MYO16: variants seen among roughly 807,000 people sequenced by gnomAD.
MYO16 encodes the protein myosin XVI.
In MYO16, 94 loss-of-function variants were observed where a neutral mutation model predicts 205.3. That is an observed-to-expected ratio of 0.46 (90% CI 0.39 to 0.54). MYO16 has a LOEUF of 0.54. Among genes scored for constraint, MYO16 ranks in the 20% least tolerant of loss-of-function variants. The pLI is 0.00. For missense variants in MYO16, 2,315 were observed against 2,387.5 expected (o/e 0.97, Z 0.63); for synonymous variants, 988 against 954.0 (o/e 1.04, Z -0.66).
intron 1 of MYO16, among the ~76,000 whole-genome samples, chr13:108,610,798 A>C (rs1594142046): frequency 6.6e-6 from 1 of 152,182 alleles, no homozygotes; most frequent in East Asian, 1.9e-4. Context: ...AGCTGAGAGA[A>C]ACAAGTAGAT....
chr13:108,783,216 C>T (rs1196034362), intron 4 of MYO16, among the ~76,000 whole-genome samples: 2 of 152,160 alleles, frequency 1.3e-5, no homozygotes, highest in African/African-American at 2.4e-5. Flanking sequence ...TGGAAACCCA[C>T]ATTTTAGATC....
At chr13:108,869,579 AAG>A (rs1162040794) in intron 12 of MYO16, among the ~76,000 whole-genome samples, 1 of 150,638 alleles carries the variant, frequency 6.6e-6, no homozygotes, top group East Asian at 1.9e-4. Context: ...AAAAAAAAAA[AAG>A]TTAGCCGGGC....
At chr13:109,101,986 A>C (rs1888981726) in intron 28 of MYO16, 1 of 152,138 alleles carries the variant, frequency 6.6e-6, no homozygotes, top group Non-Finnish European at 1.5e-5. Flanking sequence ...ACACTCGCAC[A>C]CTCATCTGTC....
At chr13:109,034,297 A>C (rs531647524) in intron 23 of MYO16, among the ~76,000 whole-genome samples, 4 of 152,310 alleles carry the variant, frequency 2.6e-5, no homozygotes, top group African/African-American at 7.2e-5. Flanking sequence ...CTCATCTTGA[A>C]TTGTAATCTC....
chr13:108,964,371 A>T (rs1883707360), intron 19 of MYO16, among the ~76,000 whole-genome samples: 1 of 152,200 alleles, frequency 6.6e-6, no homozygotes, highest in Admixed American at 6.5e-5. Context: ...GAAAATATTT[A>T]AAATATATCT....
intron 32 of MYO16, among the ~76,000 whole-genome samples, chr13:109,163,097 G>A (rs991325535): frequency 2.7e-4 from 41 of 152,214 alleles, no homozygotes; most frequent in South Asian, 2.1e-4. Flanking sequence ...TCAAAATGCC[G>A]ATAGTTTTGC....
chr13:109,061,205 C>G (rs1053006274), intron 27 of MYO16, among the ~76,000 whole-genome samples: 1 of 152,262 alleles, frequency 6.6e-6, no homozygotes, highest in Middle Eastern at 3.4e-3. Flanking sequence ...ATCTTCTGTC[C>G]AGACCACTCA....
At chr13:108,814,426 T>G (rs940579419) in intron 7 of MYO16, among the ~76,000 whole-genome samples, 5 of 152,042 alleles carry the variant, frequency 3.3e-5, no homozygotes, top group African/African-American at 1.2e-4. Flanking sequence ...TTTTTTGTTC[T>G]TTCATTTTCT....
chr13:108,577,976 C>A, the MYO16 span, among the ~76,000 whole-genome samples: 1 of 151,982 alleles, frequency 6.6e-6, no homozygotes, highest in African/African-American at 2.4e-5. Context: ...ATCTTTTATC[C>A]CTTTACTACG....
chr13:108,575,561 G>C, the MYO16 span, among the ~76,000 whole-genome samples: 1 of 152,094 alleles, frequency 6.6e-6, no homozygotes, highest in African/African-American at 2.4e-5. Flanking sequence ...GGGGGAGAGA[G>C]GCACAGACCC....
At chr13:108,666,173 C>T (rs1163327719) in intron 2 of MYO16, 24 bp downstream of exon 2, 1 of 1,564,620 alleles carries the variant, frequency 6.4e-7, no homozygotes, top group Middle Eastern at 1.7e-4. Context: ...AAGAAGGACC[C>T]GTTTTCTGAT....
intron 23 of MYO16, among the ~76,000 whole-genome samples, chr13:109,033,705 A>G (rs533881970): frequency 2.0e-5 from 3 of 152,318 alleles, no homozygotes; most frequent in Admixed American, 2.0e-4. Context: ...GAGGTTATCC[A>G]CAGCAGAAAG....
intron 10 of MYO16, among the ~76,000 whole-genome samples, chr13:108,854,041 T>C (rs886132730): frequency 6.6e-6 from 1 of 151,870 alleles, no homozygotes; most frequent in African/African-American, 2.4e-5. Context: ...TTGTCCAGGC[T>C]GGAGTGCAGT....
intron 20 of MYO16, 43 bp downstream of exon 20, chr13:108,964,945 TA>T (rs1412300008): frequency 6.3e-7 from 1 of 1,589,718 alleles, no homozygotes. Context: ...ATTACTGTAA[TA>T]AATAACTTAA....
At chr13:108,764,978 C>A (rs958019787) in intron 4 of MYO16, among the ~76,000 whole-genome samples, 2 of 152,072 alleles carry the variant, frequency 1.3e-5, no homozygotes, top group East Asian at 1.9e-4. Flanking sequence ...ATGTTTATTG[C>A]AGAAAATTGA....
intron 23 of MYO16, among the ~76,000 whole-genome samples, chr13:109,041,610 G>A (rs934404952): frequency 5.3e-5 from 8 of 152,136 alleles, no homozygotes; most frequent in African/African-American, 1.9e-4. Context: ...GTGTGGTGAT[G>A]TAAATATTCT....
At chr13:108,904,808 G>T (rs2139220828) in intron 15 of MYO16, among the ~76,000 whole-genome samples, 1 of 152,184 alleles carries the variant, frequency 6.6e-6, no homozygotes, top group Middle Eastern at 3.4e-3. Context: ...ACCACTTAGG[G>T]CCTGTTCCTG....
chr13:109,041,549 A>G (rs1886885955), intron 23 of MYO16, among the ~76,000 whole-genome samples: 1 of 152,184 alleles, frequency 6.6e-6, no homozygotes, highest in African/African-American at 2.4e-5. Context: ...AAGGGACTCA[A>G]CTGATTTTGG....
chr13:109,104,211 ATATAAC>A (rs1889055812), intron 28 of MYO16, among the ~76,000 whole-genome samples: 1 of 152,174 alleles, frequency 6.6e-6, no homozygotes, highest in Non-Finnish European at 1.5e-5. Context: ...GTATCTTCTA[ATATAAC>A]TATCTGAAGT....
Sources: gnomAD v4.1 joint callset for allele counts (sites outside exome capture counted in the v4.1 genomes callset) on GRCh38, gnomAD v4.1.1 for gene constraint, MANE v1.5 for transcripts, NCBI Gene and HGNC (gene_info 2026-07-23, HGNC 2026-07-21) for gene names.